Variants in TMEM117 observed in about 807,000 individuals in gnomAD.
TMEM117 encodes the protein transmembrane protein 117.
Under a neutral mutation model 52.4 loss-of-function variants are expected in TMEM117, and 27 were observed. The observed-to-expected ratio is 0.51, with a 90% confidence interval of 0.38 to 0.71. The LOEUF is 0.71. TMEM117 is among the 30% of genes least tolerant of loss of function. TMEM117 has a pLI of 0.00. For synonymous variants in TMEM117, 215 were observed against 206.3 expected, an observed-to-expected ratio of 1.04 and a Z score of -0.36; for missense variants, 556 against 630.5, an observed-to-expected ratio of 0.88 and a Z score of 1.26.
intron 4 of TMEM117, among the ~76,000 whole-genome samples, chr12:44,184,911 T>C (rs1949255710): frequency 6.6e-6 from 1 of 152,204 alleles, no homozygotes; most frequent in Non-Finnish European, 1.5e-5. Flanking sequence ...CATAACTTCC[T>C]ATGCCAAGTA....
intron 3 of TMEM117, among the ~76,000 whole-genome samples, chr12:44,130,537 A>G (rs187243628): frequency 5.3e-5 from 8 of 152,122 alleles, no homozygotes; most frequent in Admixed American, 5.2e-4. Flanking sequence ...GGGGGTTTTG[A>G]CTTCTTTTCT....
rs537846311 is a variant in TMEM117 at position 43,960,583 on chromosome 12, T to C, written c.410+16241T>C. On this transcript the variant is annotated intron_variant, in intron 3 of 7. Coordinates refer to ENST00000266534, the MANE Select transcript of TMEM117 (RefSeq NM_032256.3). ...GATCCTTGTTACTCTGTGGGAGTGC[T>C]TTATTACCTATTCAGAATGAACACT... 5.3e-5 allele frequency among the ~76,000 whole-genome samples: 8 copies of C among 152,284 alleles called. 1 individual carries two copies. The South Asian group carries it at 1.2e-3, about 24-fold the overall frequency.
In TMEM117 at chr12:44,123,840, C is replaced by G. The variant is rs535106895; in HGVS notation, c.411-19685C>G. 2.6e-5 allele frequency among the ~76,000 whole-genome samples: 4 copies of G among 152,248 alleles called. No homozygotes were observed. In the East Asian group the frequency reaches 7.7e-4, roughly 29 times the overall value. On this transcript the variant is annotated intron_variant, in intron 3 of 7. Transcript: ENST00000266534. Reference sequence around the variant, plus strand: ...AGTTTGAAGTCAGGTAGCGTAATGCCTCCAGCTTTGTTCTTTTTGCTTAGG... The same window carrying G: ...AGTTTGAAGTCAGGTAGCGTAATGCGTCCAGCTTTGTTCTTTTTGCTTAGG...
intron 3 of TMEM117, among the ~76,000 whole-genome samples, chr12:44,137,129 C>A (rs559122490): frequency 6.6e-6 from 1 of 151,468 alleles, no homozygotes; most frequent in Non-Finnish European, 1.5e-5. Context: ...TGTTTATTAC[C>A]CTTGATGAAG....
intron 2 of TMEM117, among the ~76,000 whole-genome samples, chr12:43,925,635 A>G (rs1944766785): frequency 6.6e-6 from 1 of 152,298 alleles, no homozygotes; most frequent in African/African-American, 2.4e-5. Context: ...GGCTGCTAAA[A>G]TGAAGGTGAA....
intron 4 of TMEM117, among the ~76,000 whole-genome samples, chr12:44,196,144 C>T (rs1340881907): frequency 6.6e-6 from 1 of 151,854 alleles, no homozygotes; most frequent in African/African-American, 2.4e-5. Context: ...TTGTTAAATC[C>T]ACCATCATAG....
intron 2 of TMEM117, among the ~76,000 whole-genome samples, chr12:43,925,473 A>G (rs538109327): frequency 2.7e-4 from 41 of 152,186 alleles, no homozygotes; most frequent in East Asian, 9.7e-4. Context: ...GTCGTCTGTC[A>G]TATTCTGTTC....
chr12:44,355,819 G>A lies in TMEM117; in HGVS notation c.769-20776G>A, dbSNP rs1951639951. On this transcript the variant is annotated intron_variant, in intron 6 of 7. Coordinates refer to ENST00000266534, the MANE Select transcript of TMEM117 (RefSeq NM_032256.3). ...ACAGTGATGGCAGCAAGAGGCTGGA[G>A]CAGCCTACTACCTGACCCAGTGAAG... 4.6e-5 allele frequency among the ~76,000 whole-genome samples: 7 copies of A among 152,040 alleles called. No homozygotes were observed. The South Asian group carries it at 1.4e-3, about 31-fold the overall frequency.
At chr12:44,127,939 A>G (rs748792168) in intron 3 of TMEM117, among the ~76,000 whole-genome samples, 7 of 152,170 alleles carry the variant, frequency 4.6e-5, no homozygotes, top group Non-Finnish European at 7.4e-5. Flanking sequence ...TGTCTATTTC[A>G]TCATCTGCTG....
chr12:44,147,336 C>T (rs1001485408), intron 4 of TMEM117, among the ~76,000 whole-genome samples: 4 of 152,086 alleles, frequency 2.6e-5, no homozygotes, highest in African/African-American at 4.8e-5. Context: ...AGTTCCATAT[C>T]ACATTACCCC....
intron 5 of TMEM117, among the ~76,000 whole-genome samples, chr12:44,271,392 C>T (rs1329256681): frequency 6.6e-6 from 1 of 151,776 alleles, no homozygotes; most frequent in Non-Finnish European, 1.5e-5. Context: ...ATAAACAGTA[C>T]AAAAAATATA....
At chr12:43,974,565 AG>A (rs1638564553) in intron 3 of TMEM117, among the ~76,000 whole-genome samples, 1 of 152,150 alleles carries the variant, frequency 6.6e-6, no homozygotes, top group African/African-American at 2.4e-5. Flanking sequence ...CCTGATAGTG[AG>A]AAGACTGCTC....
At chr12:44,016,088 C>A (rs151146885) in intron 3 of TMEM117, among the ~76,000 whole-genome samples, 138 of 152,298 alleles carry the variant, frequency 9.1e-4, no homozygotes, top group African/African-American at 3.1e-3. Context: ...ACTACCCCCT[C>A]CTCCCAACTC....
At chr12:44,126,768 C>T (rs1315330048) in intron 3 of TMEM117, among the ~76,000 whole-genome samples, 2 of 152,128 alleles carry the variant, frequency 1.3e-5, no homozygotes, top group Non-Finnish European at 1.5e-5. Flanking sequence ...AAATGAATAC[C>T]TTGTGGTTTC....
intron 4 of TMEM117, among the ~76,000 whole-genome samples, chr12:44,207,605 T>C (rs556367399): frequency 6.6e-6 from 1 of 152,280 alleles, no homozygotes; most frequent in East Asian, 1.9e-4. Context: ...ATAGAAAAGA[T>C]TGATTGTCAA....
upstream of TMEM117, among the ~76,000 whole-genome samples, chr12:43,832,668 C>T (rs1006834921): frequency 2.0e-5 from 3 of 152,154 alleles, no homozygotes; most frequent in African/African-American, 7.2e-5. Flanking sequence ...CATCTCTTTC[C>T]TCTTATATGG....
chr12:44,166,979 A>C (rs1433601774), intron 4 of TMEM117, among the ~76,000 whole-genome samples: 1 of 152,190 alleles, frequency 6.6e-6, no homozygotes, highest in Non-Finnish European at 1.5e-5. Context: ...GAACAAACTA[A>C]TTTTGCAATA....
chr12:44,392,490 T>G (rs1473016379), downstream of TMEM117, among the ~76,000 whole-genome samples: 2 of 152,102 alleles, frequency 1.3e-5, no homozygotes, highest in African/African-American at 4.8e-5. Context: ...AAAGGCTGGT[T>G]GGTTGGTTAG....
At position 43,837,930 on chromosome 12, in the gene TMEM117, A is replaced by G. The variant is rs78614932; in HGVS notation, c.-29+1734A>G. Among the ~76,000 whole-genome samples, 731 of 152,330 alleles carry G rather than the reference A, an allele frequency of 4.8e-3. 8 individuals are homozygous for G. Among genetic ancestry groups the G allele is most frequent in the African/African-American group, 0.015 (631 of 41,558 alleles). ...TTGAGACAATGTGAAGAGAAAATCT[A>G]GGAAGTGATTTATAGATGTAAACCT... On this transcript the variant is annotated intron_variant, in intron 1 of 7. Coordinates refer to ENST00000266534, the MANE Select transcript of TMEM117 (RefSeq NM_032256.3).
Sources: gnomAD v4.1 joint callset for allele counts (sites outside exome capture counted in the v4.1 genomes callset) on GRCh38, gnomAD v4.1.1 for gene constraint, MANE v1.5 for transcripts, NCBI Gene and HGNC (gene_info 2026-07-23, HGNC 2026-07-21) for gene names.